The following ADAMTS9 variants were observed in gnomAD, a reference collection of about 807,000 sequenced individuals.
ADAMTS9 encodes A disintegrin and metalloproteinase with thrombospondin motifs 9.
A neutral mutation model predicts 257.1 loss-of-function variants in ADAMTS9; 107 were observed. That is an observed-to-expected ratio of 0.42 (90% CI 0.36 to 0.49). The LOEUF is 0.49. Ranked by LOEUF, ADAMTS9 falls within the 20% of genes least tolerant of loss-of-function variation. The pLI is 0.03. For missense variants in ADAMTS9, 2,353 were observed against 2,469.1 expected, an observed-to-expected ratio of 0.95 and a Z score of 1.00; for synonymous variants, 982 against 880.9, an observed-to-expected ratio of 1.11 and a Z score of -2.03.
chr3:64,607,911 A>G (rs975091235), intron 22 of ADAMTS9, among the ~76,000 whole-genome samples: 5 of 152,166 alleles, frequency 3.3e-5, no homozygotes, highest in Non-Finnish European at 7.3e-5. Flanking sequence ...ACAAGTCTCA[A>G]TATGTTTTAA....
At chr3:64,598,070 C>T (rs1428391398) in intron 26 of ADAMTS9, among the ~76,000 whole-genome samples, 2 of 152,178 alleles carry the variant, frequency 1.3e-5, no homozygotes, top group African/African-American at 4.8e-5. Flanking sequence ...GATGTGAATA[C>T]ATTTTGTTGC....
intron 26 of ADAMTS9, among the ~76,000 whole-genome samples, 182 bp from the exon 27 acceptor site, chr3:64,597,173 C>A (rs2084382880): frequency 6.6e-6 from 1 of 152,144 alleles, no homozygotes. Flanking sequence ...ATGTACACAT[C>A]CTATAGACAC....
In ADAMTS9 at chr3:64,651,152, G is replaced by C; in HGVS notation, c.1328C>G (p.Pro443Arg). ...TTTACATTTGTTGTTGTCATCATGAGGCATGTTAAACCTAAAGCCAATGAG... is the reference window on the plus strand; with the variant it reads ...TTTACATTTGTTGTTGTCATCATGACGCATGTTAAACCTAAAGCCAATGAG... ...AHELGHVFNMPHDDNNKCKEE... is the reference protein window; with the variant it reads ...AHELGHVFNMRHDDNNKCKEE... The change falls in exon 9 of 40, where the codon CCT (proline) becomes CGT (arginine). Residue 443 changes from proline to arginine, a missense_variant. This residue lies in a region of ADAMTS9 where 591 missense variants were observed against 569.6 expected (regional missense o/e 1.04). Coordinates refer to ENST00000498707, the MANE Select transcript of ADAMTS9 (RefSeq NM_182920.2). 2.5e-6 allele frequency: 4 copies of C among 1,582,592 alleles called. No homozygotes were observed. Among genetic ancestry groups the C allele is most frequent in the Non-Finnish European group, 2.6e-6 (3 of 1,168,866 alleles).
chr3:64,614,372 T>C (rs1263174776), intron 21 of ADAMTS9, among the ~76,000 whole-genome samples: 1 of 152,224 alleles, frequency 6.6e-6, no homozygotes, highest in Non-Finnish European at 1.5e-5. Flanking sequence ...AATCAGACAC[T>C]GTTAATCAAA....
Position 64,615,450 on chromosome 3 carries a change from T to C in ADAMTS9, c.3060A>G (p.Arg1020=), listed in dbSNP as rs533381821. Residue 1020 remains arginine, a synonymous_variant, in exon 21 of 40, where the codon AGA becomes AGG. Coordinates refer to ENST00000498707, the MANE Select transcript of ADAMTS9 (RefSeq NM_182920.2). ...SKSCDGGTQR[R]RAICVNTRND... ...TTCGGGTATTGACACAAATAGCCCT[T>C]CTCCTCTGGGTCCCACCGTCACAGC... The C allele has an allele frequency of 5.0e-5, 80 of 1,613,872 alleles. 1 individual carries two copies. The South Asian group carries it at 7.2e-4, about 15-fold the overall frequency.
intron 28 of ADAMTS9, chr3:64,589,770 T>C (rs2084225628): frequency 6.6e-6 from 1 of 152,140 alleles, no homozygotes; most frequent in South Asian, 2.1e-4. Context: ...TTTTTATGAT[T>C]TAGGTATTTT....
chr3:64,651,280 G>C (rs1156500467), intron 8 of ADAMTS9, 117 bp from the exon 9 acceptor site: 3 of 757,528 alleles, frequency 4.0e-6, no homozygotes, highest in African/African-American at 3.7e-5. Flanking sequence ...TTTTGGATAA[G>C]AACCTGAACC....
At chr3:64,650,939 A>T in intron 9 of ADAMTS9, 78 bp downstream of exon 9, 1 of 1,394,268 alleles carries the variant, frequency 7.2e-7, no homozygotes, top group Non-Finnish European at 9.6e-7. Context: ...TTGACTTCAT[A>T]TTGTCTTTCC....
At chr3:64,642,795 A>C (rs1373253021) in intron 11 of ADAMTS9, among the ~76,000 whole-genome samples, 1 of 152,120 alleles carries the variant, frequency 6.6e-6, no homozygotes, top group African/African-American at 2.4e-5. Context: ...GCTCGCTCAG[A>C]TCTCTGAAGC....
chr3:64,657,981 G>A (rs1365303582), intron 4 of ADAMTS9, among the ~76,000 whole-genome samples: 1 of 152,110 alleles, frequency 6.6e-6, no homozygotes, highest in Non-Finnish European at 1.5e-5. Context: ...AGAATCCTGG[G>A]GAAGAGGCTA....
intron 22 of ADAMTS9, among the ~76,000 whole-genome samples, chr3:64,609,375 T>C (rs551535264): frequency 1.4e-4 from 22 of 152,210 alleles, no homozygotes; most frequent in South Asian, 1.0e-3. Context: ...ATACTATACA[T>C]TGGAATCCCA....
chr3:64,617,027 C>T (rs147513901), intron 19 of ADAMTS9, among the ~76,000 whole-genome samples: 41 of 152,312 alleles, frequency 2.7e-4, no homozygotes, highest in Non-Finnish European at 4.6e-4. Flanking sequence ...AGTTGACCAT[C>T]TGGCAAGTAA....
rs753632018 is a variant in ADAMTS9 at position 64,622,590 on chromosome 3, T to A, written c.2390-4A>T. ...TCACCTTTACTGCTTGATAAAGCTG[T>A]AGGTGAAGAAACAGAATAATACATT... is the stretch of plus-strand genomic sequence containing the variant. On this transcript the variant is annotated splice_polypyrimidine_tract_variant and splice_region_variant and intron_variant, in intron 16 of 39. Transcript: ENST00000498707. 6.2e-7 allele frequency: 1 copy of A among 1,613,720 alleles called. No homozygotes were observed. Among genetic ancestry groups the A allele is most frequent in the Admixed American group, 1.7e-5 (1 of 60,008 alleles).
At chr3:64,591,830 A>G (rs1021203185) in intron 28 of ADAMTS9, among the ~76,000 whole-genome samples, 1 of 152,194 alleles carries the variant, frequency 6.6e-6, no homozygotes. Context: ...ACCAGGCAGA[A>G]GGATTAATTG....
intron 39 of ADAMTS9, among the ~76,000 whole-genome samples, chr3:64,517,837 T>C (rs1180937908): frequency 6.6e-6 from 1 of 152,154 alleles, no homozygotes; most frequent in Non-Finnish European, 1.5e-5. Context: ...TACCTGCTGA[T>C]TTTTCCATGC....
At chr3:64,547,079 T>C in intron 31 of ADAMTS9, 127 bp from the exon 32 acceptor site, 1 of 825,706 alleles carries the variant, frequency 1.2e-6, no homozygotes, top group Non-Finnish European at 1.8e-6. Flanking sequence ...CTTCATTAGC[T>C]TATTTATTCA....
Position 64,546,803 on chromosome 3 carries a change from C to T in ADAMTS9, c.5019G>A (p.Arg1673=), listed in dbSNP as rs1466620457. 1.2e-6 allele frequency: 2 copies of T among 1,613,088 alleles called. No individual in the cohort carries two copies. The highest frequency in any genetic ancestry group is 1.7e-6 in the Non-Finnish European group (2 of 1,179,594). ...TCCAGGTGGCCGAGACAGGGCAGTC[C>T]CTCAGGTAACAGGGGTGAACACTGG... ...QPPSVHPCYL[R]DCPVSATWRV... is the part of the protein sequence containing the mutation. Residue 1673 remains arginine, a synonymous_variant, in exon 32 of 40, where the codon AGG becomes AGA. Coordinates refer to ENST00000498707, the MANE Select transcript of ADAMTS9 (RefSeq NM_182920.2).
intron 38 of ADAMTS9, among the ~76,000 whole-genome samples, chr3:64,532,067 G>C (rs2082989143): frequency 6.6e-6 from 1 of 152,148 alleles, no homozygotes; most frequent in Non-Finnish European, 1.5e-5. Flanking sequence ...CATCTGTGTG[G>C]GAAGGACCTG....
intron 16 of ADAMTS9, among the ~76,000 whole-genome samples, chr3:64,623,665 C>T: frequency 6.6e-6 from 1 of 152,226 alleles, no homozygotes; most frequent in Non-Finnish European, 1.5e-5. Context: ...AAACCTGCAA[C>T]TGCCTCCCAT....
Sources: allele counts gnomAD v4.1 joint callset (sites outside exome capture counted in the v4.1 genomes callset), GRCh38; gene constraint gnomAD v4.1.1; regional missense constraint gnomAD v4.1.1; transcripts MANE v1.5; gene names NCBI Gene and HGNC (gene_info 2026-07-23, HGNC 2026-07-21).